CDKAL1: variants seen among roughly 807,000 people sequenced by gnomAD.
CDKAL1 encodes threonylcarbamoyladenosine tRNA methylthiotransferase.
A neutral mutation model predicts 68.2 loss-of-function variants in CDKAL1; 32 were observed. That is an observed-to-expected ratio of 0.47 (90% confidence interval 0.35 to 0.63). The LOEUF is 0.63. Among genes scored for constraint, CDKAL1 ranks in the 30% least tolerant of loss-of-function variants. The pLI is 0.00. For synonymous variants in CDKAL1, 234 were observed against 244.3 expected (o/e 0.96, Z 0.39); for missense variants, 606 against 696.7 (o/e 0.87, Z 1.47).
chr6:20,694,659 C>T (rs1396051892), intron 5 of CDKAL1, among the ~76,000 whole-genome samples: 1 of 152,190 alleles, frequency 6.6e-6, no homozygotes, highest in Non-Finnish European at 1.5e-5. Context: ...ATACCGTAAA[C>T]ACCAGAATGA....
At chr6:21,016,069 C>T (rs1015366671) in intron 11 of CDKAL1, among the ~76,000 whole-genome samples, 1 of 151,594 alleles carries the variant, frequency 6.6e-6, no homozygotes, top group African/African-American at 2.4e-5. Context: ...TTAATATGTT[C>T]ACTGCCTTCA....
At chr6:21,008,210 G>A (rs1373502729) in intron 11 of CDKAL1, among the ~76,000 whole-genome samples, 2 of 152,096 alleles carry the variant, frequency 1.3e-5, no homozygotes, top group Admixed American at 1.3e-4. Flanking sequence ...TGGGTCAGGA[G>A]CCAAAAAGAA....
rs572253126 is a variant in CDKAL1 at position 20,968,154 on chromosome 6, GT to G, written c.909+12580del. ...TGATTAATGTTCTTTTTTGTTCTGG[GT>G]TTTTTTTTTTGTTTTTTTTTTGGAC... On this transcript the variant is annotated intron_variant, in intron 10 of 15. Coordinates refer to ENST00000274695, the MANE Select transcript of CDKAL1 (RefSeq NM_017774.3). Among the ~76,000 whole-genome samples, 652 of 139,384 alleles carry G rather than the reference GT, an allele frequency of 4.7e-3. 6 individuals are homozygous for G. Among genetic ancestry groups the G allele is most frequent in the African/African-American group, 0.015 (583 of 38,490 alleles). The allele number at this position is 139,384 out of a possible 152,430, so 91.4% of individuals were successfully genotyped here. A position where few individuals can be genotyped will look rare whatever the true frequency, so the allele number is the denominator to read the frequency against.
intron 9 of CDKAL1, among the ~76,000 whole-genome samples, chr6:20,866,714 T>TA (rs1434223893): frequency 6.6e-6 from 1 of 152,206 alleles, no homozygotes; most frequent in Non-Finnish European, 1.5e-5. Context: ...CATAACTTGT[T>TA]ATTTTACGGG....
At chr6:20,641,816 A>G (rs1768190284) in intron 4 of CDKAL1, among the ~76,000 whole-genome samples, 3 of 136,840 alleles carry the variant, frequency 2.2e-5, no homozygotes, top group Non-Finnish European at 5.0e-5. Context: ...TTATTTATAT[A>G]TGTTTGTGTG....
At chr6:20,948,010 CTT>C (rs541978769) in intron 9 of CDKAL1, among the ~76,000 whole-genome samples, 36 of 115,148 alleles carry the variant, frequency 3.1e-4, no homozygotes, top group African/African-American at 4.0e-4. Context: ...GTGAAGGTCA[CTT>C]TTTTTTTTTT....
chr6:21,097,240 C>T (rs1355176856), intron 12 of CDKAL1, among the ~76,000 whole-genome samples: 1 of 152,102 alleles, frequency 6.6e-6, no homozygotes, highest in Non-Finnish European at 1.5e-5. Flanking sequence ...GAGGCTGAGG[C>T]TGTTGGATTA....
intron 5 of CDKAL1, among the ~76,000 whole-genome samples, chr6:20,654,500 T>C (rs948294426): frequency 5.3e-5 from 8 of 152,262 alleles, no homozygotes; most frequent in African/African-American, 1.9e-4. Context: ...GTGTTCTTAT[T>C]GTTTAAGAAG....
intron 13 of CDKAL1, among the ~76,000 whole-genome samples, chr6:21,136,903 C>T (rs955723879): frequency 1.8e-4 from 27 of 152,158 alleles, no homozygotes; most frequent in Non-Finnish European, 3.1e-4. Context: ...AAAGGTAACA[C>T]GGAGGAATTA....
At chr6:20,554,606 G>A (rs1204114398) in intron 4 of CDKAL1, among the ~76,000 whole-genome samples, 1 of 152,160 alleles carries the variant, frequency 6.6e-6, no homozygotes, top group South Asian at 2.1e-4. Context: ...TTCTTAAAGA[G>A]TTCTGAAAGA....
At position 21,140,067 on chromosome 6, in the gene CDKAL1, C is replaced by T. The variant is rs181591702; in HGVS notation, c.1299+31604C>T. Reference sequence around the variant, plus strand: ...TTCTGATAGAGGATTTGGGTAGATACAGAAGATCAAGGAGGAGGAATATAG... The same window carrying T: ...TTCTGATAGAGGATTTGGGTAGATATAGAAGATCAAGGAGGAGGAATATAG... On this transcript the variant is annotated intron_variant, in intron 13 of 15. Transcript: ENST00000274695. 3.5e-3 allele frequency among the ~76,000 whole-genome samples: 530 copies of T among 152,156 alleles called. 1 individual carries two copies. The highest frequency in any genetic ancestry group is 7.8e-3 in the Admixed American group (119 of 15,286).
chr6:20,649,885 A>G (rs1016606577), intron 5 of CDKAL1, among the ~76,000 whole-genome samples: 2 of 152,170 alleles, frequency 1.3e-5, no homozygotes, highest in African/African-American at 4.8e-5. Context: ...GTGTGCTTGC[A>G]AAGGATGTGA....
intron 4 of CDKAL1, among the ~76,000 whole-genome samples, chr6:20,577,901 T>G (rs1764978484): frequency 6.6e-6 from 1 of 152,054 alleles, no homozygotes; most frequent in African/African-American, 2.4e-5. Context: ...GGAAGATGAG[T>G]GGAAGAATGA....
intron 12 of CDKAL1, among the ~76,000 whole-genome samples, chr6:21,101,560 A>G (rs182683378): frequency 2.8e-4 from 43 of 152,112 alleles, no homozygotes; most frequent in African/African-American, 9.4e-4. Flanking sequence ...CTCACTCTAC[A>G]TTCTCCCTGT....
chr6:21,103,630 T>G (rs1773701124), intron 12 of CDKAL1, among the ~76,000 whole-genome samples: 1 of 152,154 alleles, frequency 6.6e-6, no homozygotes, highest in Admixed American at 6.5e-5. Flanking sequence ...AGCATGTAAT[T>G]ACTTTTAAAT....
At chr6:21,168,241 G>GCTCCTC (rs941967876) in intron 13 of CDKAL1, among the ~76,000 whole-genome samples, 1 of 152,190 alleles carries the variant, frequency 6.6e-6, no homozygotes, top group African/African-American at 2.4e-5. Flanking sequence ...CCAGCCTTCT[G>GCTCCTC]CTCCTCCTCC....
At chr6:20,788,466 G>T (rs112475949) in intron 8 of CDKAL1, among the ~76,000 whole-genome samples, 3 of 152,126 alleles carry the variant, frequency 2.0e-5, no homozygotes, top group African/African-American at 7.2e-5. Flanking sequence ...GTCATGAGCC[G>T]AGAATGTGAC....
chr6:21,173,926 G>C (rs950075724), intron 13 of CDKAL1, among the ~76,000 whole-genome samples: 1 of 152,076 alleles, frequency 6.6e-6, no homozygotes, highest in Non-Finnish European at 1.5e-5. Context: ...TTAAAAATTA[G>C]CAAGGTGTGG....
chr6:20,766,197 G>A lies in CDKAL1; in HGVS notation c.517+7554G>A, dbSNP rs1338494616. On this transcript the variant is annotated intron_variant, in intron 7 of 15. Coordinates refer to ENST00000274695, the MANE Select transcript of CDKAL1 (RefSeq NM_017774.3). ...GCTTATATTTCCTTTTCTGATCAAA[G>A]ATACATTTTTTTTAATTATTTGAAA... is the stretch of plus-strand genomic sequence containing the variant. Among the ~76,000 whole-genome samples, 3 of 152,144 alleles carry A rather than the reference G, an allele frequency of 2.0e-5. No homozygotes were observed. The East Asian group carries it at 5.8e-4, about 29-fold the overall frequency.
Sources: gnomAD v4.1 joint callset for allele counts (sites outside exome capture counted in the v4.1 genomes callset) on GRCh38, gnomAD v4.1.1 for gene constraint, MANE v1.5 for transcripts, NCBI Gene and HGNC (gene_info 2026-07-23, HGNC 2026-07-21) for gene names.